FAT4: variants seen among roughly 807,000 people sequenced by gnomAD.
FAT4 encodes the protein FAT atypical cadherin 4.
A neutral mutation model predicts 303.9 loss-of-function variants in FAT4; 84 were observed. The ratio of observed to expected loss-of-function variants is 0.28; its 90% confidence interval spans 0.23 to 0.33. FAT4 has a LOEUF of 0.33. Among genes scored for constraint, FAT4 ranks in the 10% least tolerant of loss-of-function variants. The probability of loss-of-function intolerance (pLI) is 1.00; values close to 1 mark genes in which losing one functional copy is unlikely to be tolerated. For synonymous variants in FAT4, 2,307 were observed against 2,298.8 expected (o/e 1.00, Z -0.10); for missense variants, 6,005 against 6,146.8 (o/e 0.98, Z 0.77).
intron 3 of FAT4, among the ~76,000 whole-genome samples, chr4:125,405,044 A>G (rs1442987270): frequency 6.6e-6 from 1 of 150,942 alleles, no homozygotes; most frequent in African/African-American, 2.4e-5. Context: ...ATGCTGATTT[A>G]GCATCCCTAA....
chr4:125,426,648 A>G (rs574742985), intron 7 of FAT4, among the ~76,000 whole-genome samples: 33 of 152,162 alleles, frequency 2.2e-4, no homozygotes, highest in African/African-American at 7.7e-4. Context: ...TTTTCTTAAG[A>G]TAAAACTCCA....
chr4:125,453,265 G>T (rs1726160671), intron 10 of FAT4, among the ~76,000 whole-genome samples: 3 of 152,176 alleles, frequency 2.0e-5, no homozygotes, highest in Admixed American at 6.5e-5. Context: ...GGACCATTTT[G>T]TGTGTTAAAT....
Position 125,408,784 on chromosome 4 carries a change from T to A in FAT4, c.5910T>A (p.Asp1970Glu). 2 of 1,480,092 alleles carry A rather than the reference T, an allele frequency of 1.4e-6. No individual in the cohort carries two copies. The highest frequency in any genetic ancestry group is 1.8e-6 in the Non-Finnish European group (2 of 1,094,388). 91.7% of individuals were successfully genotyped at this position (1,480,092 alleles called of 1,614,324 possible). Residue 1970 changes from aspartate (D) to glutamate (E), a missense_variant, in exon 5 of 18, where the codon GAT (aspartate) becomes GAA (glutamate). Physicochemically the swap from Asp to Glu is conservative, Grantham distance 45. Transcript: ENST00000394329. ...CTGTTCTTGTGTTTAATGTTACTGATGCAGATGATGGTATGTATTTTATTT... is the reference window on the plus strand; with the variant it reads ...CTGTTCTTGTGTTTAATGTTACTGAAGCAGATGATGGTATGTATTTTATTT... ...GSTVLVFNVT[D>E]ADDGINSQLT...
chr4:125,368,003 C>T (rs558690055), intron 2 of FAT4, among the ~76,000 whole-genome samples: 1 of 152,166 alleles, frequency 6.6e-6, no homozygotes, highest in Admixed American at 6.6e-5. Flanking sequence ...CAGTTTTTTT[C>T]CCCCTTCCGT....
At position 125,406,992 on chromosome 4, in the gene FAT4, G is replaced by A. The variant is rs768575123; in HGVS notation, c.5420G>A (p.Arg1807His). 1.7e-5 allele frequency: 28 copies of A among 1,613,780 alleles called. No homozygotes were observed. The highest frequency in any genetic ancestry group is 1.3e-4 in the South Asian group (12 of 91,080). Residue 1807 changes from arginine (R) to histidine (H), a missense_variant, in exon 4 of 18, where the codon CGC (arginine) becomes CAC (histidine). Transcript: ENST00000394329. ...ACCAGGCGGTTGGACAGGGAACGCCGCTCCAAATATTCACTGCTAGTTCGT... is the reference window on the plus strand; with the variant it reads ...ACCAGGCGGTTGGACAGGGAACGCCACTCCAAATATTCACTGCTAGTTCGT... ...IATRRLDRER[R>H]SKYSLLVRAD...
chr4:125,345,313 T>C (rs1205621864), intron 2 of FAT4, among the ~76,000 whole-genome samples: 1 of 152,060 alleles, frequency 6.6e-6, no homozygotes, highest in African/African-American at 2.4e-5. Context: ...ACAATTAAGG[T>C]GCTAAGATTG....
chr4:125,476,828 C>T (rs747821504), intron 13 of FAT4, among the ~76,000 whole-genome samples: 6 of 152,084 alleles, frequency 3.9e-5, no homozygotes, highest in South Asian at 2.1e-4. Context: ...TGTAATCTAA[C>T]GTAAATATTA....
rs1447109392 is a variant in FAT4 at position 125,450,727 on chromosome 4, C to T, written c.9717C>T (p.Asp3239=). ...AVIAYTVQSS[D]SDLFVIDPNT... ...TTGCGTATACTGTACAGTCATCTGA[C>T]AGTGACCTCTTTGTCATTGACCCTA... Residue 3239 remains aspartate, a synonymous_variant, in exon 10 of 18, where the codon GAC becomes GAT. Coordinates refer to ENST00000394329, the MANE Select transcript of FAT4 (RefSeq NM_001291303.3). 6.2e-7 allele frequency: 1 copy of T among 1,614,116 alleles called. No individual in the cohort carries two copies. The highest frequency in any genetic ancestry group is 1.7e-5 in the Admixed American group (1 of 60,012).
intron 2 of FAT4, among the ~76,000 whole-genome samples, chr4:125,378,021 T>C (rs72912844): frequency 8.2e-4 from 124 of 151,996 alleles, no homozygotes; most frequent in African/African-American, 2.8e-3. Context: ...ACCTGCAAAA[T>C]AAGGCACAAT....
At chr4:125,430,002 G>T (rs1298142839) in intron 7 of FAT4, among the ~76,000 whole-genome samples, 1 of 152,166 alleles carries the variant, frequency 6.6e-6, no homozygotes, top group Admixed American at 6.5e-5. Flanking sequence ...CACACACCGG[G>T]TTCTGTCCTG....
intron 10 of FAT4, among the ~76,000 whole-genome samples, chr4:125,456,370 A>C (rs1726277120): frequency 1.3e-5 from 2 of 152,176 alleles, no homozygotes; most frequent in South Asian, 4.1e-4. Context: ...CTCAGAGTTC[A>C]CTTCAGTCTT....
intron 10 of FAT4, among the ~76,000 whole-genome samples, chr4:125,456,035 GAA>G (rs1370291839): frequency 1.3e-5 from 2 of 152,176 alleles, no homozygotes; most frequent in African/African-American, 4.8e-5. Flanking sequence ...GATCTGAGGA[GAA>G]TGGTTCCTGC....
chr4:125,450,294 A>G lies in FAT4; in HGVS notation c.9284A>G (p.His3095Arg). ...NYHTPEFSQS[H>R]MSATIPESHS... Reference sequence around the variant, plus strand: ...CATACACCTGAATTCTCTCAAAGCCACATGAGTGCAACCATCCCTGAGAGC... The same window carrying G: ...CATACACCTGAATTCTCTCAAAGCCGCATGAGTGCAACCATCCCTGAGAGC... The change falls in exon 10 of 18, where the codon CAC (histidine) becomes CGC (arginine). Residue 3095 changes from histidine (H) to arginine (R), a missense_variant. Transcript: ENST00000394329. The G allele has an allele frequency of 1.2e-6, 2 of 1,614,122 alleles. No individual in the cohort carries two copies. Among genetic ancestry groups the G allele is most frequent in the Non-Finnish European group, 1.7e-6 (2 of 1,180,010 alleles).
intron 7 of FAT4, among the ~76,000 whole-genome samples, 158 bp downstream of exon 7, chr4:125,416,780 T>A (rs912169123): frequency 4.6e-5 from 7 of 151,930 alleles, no homozygotes; most frequent in Non-Finnish European, 1.0e-4. Context: ...ACCCCATCAC[T>A]ACTAAAAATA....
chr4:125,481,177 A>G (rs1560633762), intron 15 of FAT4, among the ~76,000 whole-genome samples: 1 of 152,218 alleles, frequency 6.6e-6, no homozygotes, highest in Non-Finnish European at 1.5e-5. Flanking sequence ...CACAGTGAAA[A>G]TGATTACAAA....
intron 8 of FAT4, among the ~76,000 whole-genome samples, chr4:125,443,890 CTTA>C (rs1725742333): frequency 6.6e-6 from 1 of 152,074 alleles, no homozygotes. Flanking sequence ...ACGTACAGAG[CTTA>C]TTGTGTTTCT....
intron 3 of FAT4, among the ~76,000 whole-genome samples, chr4:125,404,312 A>G (rs1340314150): frequency 2.6e-5 from 4 of 152,138 alleles, no homozygotes; most frequent in Non-Finnish European, 5.9e-5. Context: ...TCCATACTGC[A>G]ATATCAATAT....
At chr4:125,422,191 A>G (rs1578625535) in intron 7 of FAT4, among the ~76,000 whole-genome samples, 1 of 152,240 alleles carries the variant, frequency 6.6e-6, no homozygotes, top group Non-Finnish European at 1.5e-5. Flanking sequence ...TAAAGAAGAT[A>G]TAAAGAATTT....
rs1384916066 is a variant in FAT4, at chr4:125,449,165, A to C, written c.8155A>C (p.Ser2719Arg). 16 of 1,613,912 alleles carry C rather than the reference A, an allele frequency of 9.9e-6. No individual in the cohort carries two copies. Among genetic ancestry groups the C allele is most frequent in the Non-Finnish European group, 1.3e-5 (15 of 1,179,922 alleles). Residue 2719 changes from serine (S) to arginine (R), a missense_variant, in exon 10 of 18, where the codon AGT becomes CGT. Physicochemically the swap from Ser to Arg is moderately radical, Grantham distance 110 (BLOSUM62 -1). Transcript: ENST00000394329. ...IVNGNMENSF[S>R]INHATGEIRS... ...TAATGGCAACATGGAAAATAGTTTC[A>C]GTATCAATCATGCTACTGGTGAAAT...
Sources: allele counts gnomAD v4.1 joint callset (sites outside exome capture counted in the v4.1 genomes callset), GRCh38; gene constraint gnomAD v4.1.1; transcripts MANE v1.5; gene names NCBI Gene and HGNC (gene_info 2026-07-23, HGNC 2026-07-21).